The following CAPN8 variants were observed in gnomAD, a reference collection of about 807,000 sequenced individuals.
CAPN8 encodes calpain 8.
A neutral mutation model predicts 80.9 loss-of-function variants in CAPN8; 87 were observed. The observed-to-expected ratio is 1.07, with a 90% CI of 0.90 to 1.28. The LOEUF is 1.28. CAPN8 is among the 50% of genes most tolerant of loss of function. CAPN8 has a pLI of 0.00. For synonymous variants in CAPN8, 299 were observed against 273.8 expected (o/e 1.09, Z -0.91); for missense variants, 757 against 702.0 (o/e 1.08, Z -0.89).
At chr1:223,629,197 AGT>A (rs113967295) in intron 2 of CAPN8, among the ~76,000 whole-genome samples, 1,469 of 95,188 alleles carry the variant, frequency 0.015, 10 homozygotes, top group East Asian at 0.06. Flanking sequence ...TACGTGTAAG[AGT>A]GTGTGTGTGT....
intron 2 of CAPN8, among the ~76,000 whole-genome samples, chr1:223,641,438 GTTATC>G (rs1421513755): frequency 6.6e-6 from 1 of 151,198 alleles, no homozygotes; most frequent in African/African-American, 2.4e-5. Context: ...TCCAATACCA[GTTATC>G]TGCAAATAAT....
chr1:223,643,751 C>T (rs533492124), intron 2 of CAPN8, among the ~76,000 whole-genome samples: 5 of 152,310 alleles, frequency 3.3e-5, no homozygotes, highest in East Asian at 3.9e-4. Flanking sequence ...AGAAGCTCAA[C>T]GCACATCACA....
At chr1:223,645,962 C>A (rs1021021336) in intron 2 of CAPN8, among the ~76,000 whole-genome samples, 3 of 152,148 alleles carry the variant, frequency 2.0e-5, no homozygotes, top group African/African-American at 7.2e-5. Flanking sequence ...TCATTCCATT[C>A]CCTAAGCCAG....
At chr1:223,625,736 T>TGTC in intron 6 of CAPN8, 69 bp downstream of exon 6, 1 of 1,373,538 alleles carries the variant, frequency 7.3e-7, no homozygotes, top group South Asian at 1.3e-5. Context: ...TCTTTCCTCC[T>TGTC]GTCGAGATGG....
intron 1 of CAPN8, among the ~76,000 whole-genome samples, chr1:223,661,900 A>G (rs1486856167): frequency 6.6e-6 from 1 of 152,214 alleles, no homozygotes; most frequent in Non-Finnish European, 1.5e-5. Flanking sequence ...CACAATAACC[A>G]AAAGTGGAAG....
rs116282887 is a variant in CAPN8, at chr1:223,629,778, T to C, written c.308-998A>G. Among the ~76,000 whole-genome samples, 268 of 152,370 alleles carry C rather than the reference T, an allele frequency of 1.8e-3. 2 individuals carry two copies. The highest frequency in any genetic ancestry group is 6.3e-3 in the African/African-American group (260 of 41,590). On this transcript the variant is annotated intron_variant, in intron 2 of 20. Transcript: ENST00000366872. ...CATCTTTCTGGCCTGGTACTGCTTC[T>C]TTCCACCTTCATTGTAGATCTCTAG...
intron 14 of CAPN8, 77 bp downstream of exon 14, chr1:223,553,755 A>C (rs1656850979): frequency 2.5e-6 from 1 of 398,332 alleles, no homozygotes; most frequent in African/African-American, 2.1e-5. Context: ...GACCTCAGGG[A>C]GTAAAGAATG....
intron 7 of CAPN8, among the ~76,000 whole-genome samples, chr1:223,621,641 G>A (rs145026076): frequency 2.0e-5 from 3 of 152,182 alleles, no homozygotes; most frequent in Admixed American, 6.5e-5. Context: ...CTAGAGACAC[G>A]TGTTTCTTCG....
intron 13 of CAPN8, among the ~76,000 whole-genome samples, chr1:223,556,726 T>C (rs1056357213): frequency 2.6e-5 from 4 of 152,020 alleles, no homozygotes; most frequent in African/African-American, 7.3e-5. Context: ...TTAGGATCAG[T>C]ATAAGTTGAT....
At chr1:223,554,453 CTACAAAAAA>C (rs1325521585) in intron 13 of CAPN8, among the ~76,000 whole-genome samples, 9 of 152,146 alleles carry the variant, frequency 5.9e-5, no homozygotes, top group African/African-American at 2.2e-4. Context: ...AACCCCATTT[CTACAAAAAA>C]TACAAAAATT....
chr1:223,626,016 G>A, intron 5 of CAPN8, 128 bp from the exon 6 acceptor site: 1 of 663,662 alleles, frequency 1.5e-6, no homozygotes, highest in East Asian at 2.8e-5. Context: ...TGTAGGCATG[G>A]CTATGAACCT....
chr1:223,626,950 T>G (rs1410535416), intron 5 of CAPN8, 39 bp downstream of exon 5: 10 of 1,537,000 alleles, frequency 6.5e-6, no homozygotes, highest in Admixed American at 2.0e-5. Context: ...GGGGTGGCGG[T>G]GGGGGGAGGT....
At chr1:223,623,208 A>C (rs1425212051) in intron 6 of CAPN8, among the ~76,000 whole-genome samples, 1 of 152,232 alleles carries the variant, frequency 6.6e-6, no homozygotes, top group Non-Finnish European at 1.5e-5. Flanking sequence ...CTTTTAATAC[A>C]TGAGACCTAA....
intron 2 of CAPN8, among the ~76,000 whole-genome samples, chr1:223,642,985 G>A (rs1658083422): frequency 6.6e-6 from 1 of 152,220 alleles, no homozygotes; most frequent in Non-Finnish European, 1.5e-5. Flanking sequence ...ACCAGAGGGA[G>A]AAAAACCCAC....
intron 2 of CAPN8, among the ~76,000 whole-genome samples, chr1:223,640,920 G>C (rs1320792710): frequency 4.6e-5 from 7 of 152,048 alleles, no homozygotes; most frequent in Non-Finnish European, 8.8e-5. Flanking sequence ...TGCTCAATTC[G>C]ATGGATTTCA....
In CAPN8 at chr1:223,625,873, C is replaced by T. The variant is rs868835035; in HGVS notation, c.745G>A (p.Glu249Lys). 8 of 1,551,392 alleles carry T rather than the reference C, an allele frequency of 5.2e-6. No individual in the cohort carries two copies. In the East Asian group the frequency reaches 7.3e-5, roughly 14 times the overall value. ...TTCTGGCTGGTGATGGCTTCGGCTT[C>T]GGCTGCACTGGAGACCTGCGTAGAG... The part of the protein sequence containing the change: ...GCSIDVSSAA[E>K]AEAITSQKLV... The change falls in exon 6 of 21, where the codon GAA (glutamate) becomes AAA (lysine). Residue 249 changes from glutamate (E) to lysine (K), a missense_variant. Glu to Lys is a moderately conservative substitution (Grantham distance 56). Coordinates refer to ENST00000366872, the MANE Select transcript of CAPN8 (RefSeq NM_001143962.2).
chr1:223,545,413 G>T, intron 16 of CAPN8, 114 bp from the exon 17 acceptor site: 6 of 1,484,002 alleles, frequency 4.0e-6, no homozygotes, highest in Non-Finnish European at 5.5e-6. Flanking sequence ...TTCCATGTCT[G>T]TGGCAAGCAG....
rs962216363 is a variant in CAPN8 at position 223,616,083 on chromosome 1, C to T, written c.1198G>A (p.Glu400Lys). Residue 400 changes from glutamate to lysine, a missense_variant, in exon 10 of 21, where the codon GAG (glutamate) becomes AAG (lysine). Physicochemically the swap from Glu to Lys is moderately conservative, Grantham distance 56. Transcript: ENST00000366872. The part of the protein sequence containing the change: ...RLDEVDEDQE[E>K]SIGEPCCTVL... ...GTACAGCAGGGTTCACCGATGCTCT[C>T]CTCCTGGTCCTCATCCACTTCATCC... 6.4e-7 allele frequency: 1 copy of T among 1,552,046 alleles called. No individual in the cohort carries two copies. The highest frequency in any genetic ancestry group is 8.7e-7 in the Non-Finnish European group (1 of 1,147,064).
intron 13 of CAPN8, among the ~76,000 whole-genome samples, chr1:223,556,670 A>C (rs1376608452): frequency 6.6e-6 from 1 of 152,242 alleles, no homozygotes; most frequent in East Asian, 1.9e-4. Flanking sequence ...GGGAAGCCCC[A>C]GTAGTGACTA....
Sources: gnomAD v4.1 joint callset for allele counts (sites outside exome capture counted in the v4.1 genomes callset) on GRCh38, gnomAD v4.1.1 for gene constraint, MANE v1.5 for transcripts, NCBI Gene and HGNC (gene_info 2026-07-23, HGNC 2026-07-21) for gene names.